The following TTLL11 variants were observed in gnomAD, a reference collection of about 807,000 sequenced individuals.
The protein encoded by TTLL11 is tubulin tyrosine ligase like 11.
A neutral mutation model predicts 51.7 loss-of-function variants in TTLL11; 42 were observed. That is an observed-to-expected ratio of 0.81 (90% confidence interval 0.64 to 1.05). The LOEUF is 1.05. Among genes scored for constraint, TTLL11 ranks in the 50% least tolerant of loss-of-function variants. The pLI is 0.00. For missense variants in TTLL11, 799 were observed against 940.4 expected (o/e 0.85, Z 1.97); for synonymous variants, 381 against 383.5 (o/e 0.99, Z 0.08).
rs535608743 is a variant in TTLL11, at chr9:121,839,488, G to T, written c.1841-16609C>A. Among the ~76,000 whole-genome samples the T allele has an allele frequency of 1.2e-3, 177 of 152,316 alleles. 2 individuals carry two copies. Among genetic ancestry groups the T allele is most frequent in the African/African-American group, 4.0e-3 (166 of 41,570 alleles). On this transcript the variant is annotated intron_variant, in intron 8 of 8. Transcript: ENST00000321582. Reference sequence around the variant, plus strand: ...CTTTCTACCCTGCCCGGCTCTGGGGGGCTCAGTGATAGAAAACAGACATAA... The same window carrying T: ...CTTTCTACCCTGCCCGGCTCTGGGGTGCTCAGTGATAGAAAACAGACATAA...
intron 6 of TTLL11, among the ~76,000 whole-genome samples, chr9:121,936,503 G>A (rs1841226742): frequency 6.6e-6 from 1 of 152,050 alleles, no homozygotes; most frequent in South Asian, 2.1e-4. Context: ...CTGCCCTCAA[G>A]GACCCAGAAA....
At chr9:122,045,319 G>A (rs1454634488) in intron 1 of TTLL11, among the ~76,000 whole-genome samples, 6 of 152,118 alleles carry the variant, frequency 3.9e-5, no homozygotes, top group African/African-American at 1.2e-4. Flanking sequence ...TTGGGAGGCC[G>A]AGGTGGGCAG....
rs1238922008 is a variant in TTLL11, at chr9:121,853,268, T to G, written c.1840+7069A>C. Among the ~76,000 whole-genome samples, 2 of 152,098 alleles carry G rather than the reference T, an allele frequency of 1.3e-5. No homozygotes were observed. The highest frequency in any genetic ancestry group is 3.9e-4 in the East Asian group (2 of 5,164). On this transcript the variant is annotated intron_variant, in intron 8 of 8. Transcript: ENST00000321582. The surrounding 1 kb of genome is among the most constrained non-coding windows in gnomAD (Gnocchi z 5.6). ...CCTCATGCAGGCGGGAACAGCTCTG[T>G]TTCCTGGATGTTGGCCTCATGTCGG...
At chr9:122,044,024 A>G (rs1844925985) in intron 1 of TTLL11, among the ~76,000 whole-genome samples, 1 of 151,936 alleles carries the variant, frequency 6.6e-6, no homozygotes, top group Non-Finnish European at 1.5e-5. Context: ...TCATCCCACA[A>G]CAGTCCCCGG....
intron 6 of TTLL11, among the ~76,000 whole-genome samples, chr9:121,921,380 G>C (rs1053077776): frequency 6.6e-5 from 10 of 152,152 alleles, no homozygotes; most frequent in African/African-American, 2.2e-4. Flanking sequence ...GTGGAGGCAG[G>C]GGGGTGAACA....
chr9:122,034,332 C>G lies in TTLL11; in HGVS notation c.560-2476G>C, dbSNP rs188030019. 2.7e-3 allele frequency among the ~76,000 whole-genome samples: 404 copies of G among 152,296 alleles called. 2 individuals are homozygous for G. Among genetic ancestry groups the G allele is most frequent in the Non-Finnish European group, 3.5e-3 (236 of 68,034 alleles). On this transcript the variant is annotated intron_variant, in intron 2 of 8. Transcript: ENST00000321582. Reference sequence around the variant, plus strand: ...ATTCATTTAATATCGGCAATGGCTCCTTCTGTAATGTGCACCATCAGGCCC... The same window carrying G: ...ATTCATTTAATATCGGCAATGGCTCGTTCTGTAATGTGCACCATCAGGCCC...
Position 121,860,424 on chromosome 9 carries a change from T to C in TTLL11, c.1753A>G (p.Ser585Gly). ...TFIRSCKLSS[S>G]SLSMAAVDIL... The stretch of plus-strand genomic sequence containing the variant: ...TCCACGGCAGCCATGGACAGGCTGC[T>C]GCTGCTGAGTTTGCAGCTCCTGCCA... The change falls in exon 8 of 9, where the codon AGC becomes GGC. Residue 585 changes from serine to glycine, a missense_variant. Physicochemically the swap from Ser to Gly is moderately conservative, Grantham distance 56 (BLOSUM62 0). Transcript: ENST00000321582. 6.4e-7 allele frequency: 1 copy of C among 1,551,210 alleles called. No homozygotes were observed. Among genetic ancestry groups the C allele is most frequent in the Non-Finnish European group, 8.7e-7 (1 of 1,146,922 alleles).
chr9:122,057,778 A>T (rs1845331500), intron 1 of TTLL11, among the ~76,000 whole-genome samples: 1 of 152,210 alleles, frequency 6.6e-6, no homozygotes, highest in Admixed American at 6.5e-5. Context: ...TGGTGGTAAA[A>T]GAGGTATTTA....
intron 3 of TTLL11, among the ~76,000 whole-genome samples, chr9:122,017,356 A>G (rs948222583): frequency 1.3e-5 from 2 of 152,124 alleles, no homozygotes; most frequent in African/African-American, 4.8e-5. Flanking sequence ...TATCTATCCA[A>G]AGGAGATGCT....
chr9:121,878,691 G>A (rs543503857), intron 6 of TTLL11, among the ~76,000 whole-genome samples: 15 of 152,304 alleles, frequency 9.8e-5, no homozygotes, highest in Admixed American at 2.6e-4. Context: ...CTCATTTTAC[G>A]GATGAAGGAG....
chr9:122,053,591 T>G (rs933505001), intron 1 of TTLL11, among the ~76,000 whole-genome samples: 3 of 151,292 alleles, frequency 2.0e-5, no homozygotes, highest in African/African-American at 7.3e-5. Flanking sequence ...AGAGAGAGAC[T>G]GAGAGCAGCC....
At chr9:122,085,319 A>G (rs2131932023) in intron 1 of TTLL11, among the ~76,000 whole-genome samples, 1 of 152,330 alleles carries the variant, frequency 6.6e-6, no homozygotes, top group South Asian at 2.1e-4. Context: ...GGAGACTTTA[A>G]AACATTCAAT....
At chr9:121,945,569 G>A (rs1429633106) in intron 6 of TTLL11, among the ~76,000 whole-genome samples, 1 of 152,094 alleles carries the variant, frequency 6.6e-6, no homozygotes, top group Non-Finnish European at 1.5e-5. Context: ...TCCTTAACCT[G>A]GCATTCAAGG....
At chr9:121,980,796 GT>G (rs1842809045) in intron 4 of TTLL11, among the ~76,000 whole-genome samples, 1 of 152,244 alleles carries the variant, frequency 6.6e-6, no homozygotes. Flanking sequence ...TTAAGAAAAT[GT>G]GGCACATATA....
chr9:121,914,398 A>G (rs970020158), intron 6 of TTLL11, among the ~76,000 whole-genome samples: 5 of 152,184 alleles, frequency 3.3e-5, no homozygotes, highest in Non-Finnish European at 7.3e-5. Context: ...CTGAGCACCT[A>G]TTACCTGGGA....
At chr9:121,917,993 T>C (rs1486127502) in intron 6 of TTLL11, among the ~76,000 whole-genome samples, 2 of 152,140 alleles carry the variant, frequency 1.3e-5, no homozygotes, top group Non-Finnish European at 2.9e-5. Context: ...AGGCCAGTGT[T>C]TTTAAGCACT....
At chr9:121,873,732 C>T (rs1838451948) in intron 6 of TTLL11, among the ~76,000 whole-genome samples, 2 of 151,598 alleles carry the variant, frequency 1.3e-5, no homozygotes, top group African/African-American at 2.4e-5. Context: ...AACCACAGCT[C>T]ACTGTAGCCT....
intron 3 of TTLL11, among the ~76,000 whole-genome samples, chr9:122,013,696 G>A (rs1313642869): frequency 1.3e-5 from 2 of 152,128 alleles, no homozygotes; most frequent in Admixed American, 6.5e-5. Context: ...AAGGAATTGC[G>A]ATTGCCTGGG....
At chr9:122,045,605 A>G (rs185464695) in intron 1 of TTLL11, among the ~76,000 whole-genome samples, 1 of 152,246 alleles carries the variant, frequency 6.6e-6, no homozygotes, top group East Asian at 1.9e-4. Flanking sequence ...ATATACCAAC[A>G]TTCATAGGAG....
Sources: allele counts gnomAD v4.1 joint callset (sites outside exome capture counted in the v4.1 genomes callset), GRCh38; gene constraint gnomAD v4.1.1; non-coding constraint Gnocchi (gnomAD v3.1); transcripts MANE v1.5; gene names NCBI Gene and HGNC (gene_info 2026-07-23, HGNC 2026-07-21).